The following CHST9 variants were observed in gnomAD, a reference collection of about 807,000 sequenced individuals.
The protein encoded by CHST9 is GalNAc-4-sulfotransferase 2.
In CHST9, 41 loss-of-function variants were observed where a neutral mutation model predicts 44.4. The observed-to-expected ratio is 0.92, with a 90% CI of 0.72 to 1.20. The LOEUF (loss-of-function observed/expected upper bound fraction) is 1.20, where lower values mean the gene tolerates loss of function less well. Among genes scored for constraint, CHST9 ranks in the 50% most tolerant of loss-of-function variants. The pLI, the probability that CHST9 is intolerant of heterozygous loss-of-function variation, is 0.00. For missense variants in CHST9, 504 were observed against 516.5 expected (o/e 0.98, Z 0.23); for synonymous variants, 171 against 178.4 (o/e 0.96, Z 0.33).
intron 2 of CHST9, among the ~76,000 whole-genome samples, chr18:27,115,198 T>C (rs1025042434): frequency 5.3e-5 from 8 of 152,198 alleles, no homozygotes; most frequent in African/African-American, 1.9e-4. Flanking sequence ...TTACCCAGTC[T>C]TGGGTGTTTC....
chr18:26,916,229 A>G lies in CHST9; in HGVS notation c.*30T>C. ...TGATTTGAACTTATCATCATTAAGT[A>G]TATACAGGGTTTTAGAAAATGAATG... is the stretch of plus-strand genomic sequence containing the variant. On this transcript the variant is annotated 3_prime_UTR_variant, in exon 6 of 6. Coordinates refer to ENST00000618847, the MANE Select transcript of CHST9 (RefSeq NM_031422.6). 1 of 1,423,752 alleles carries G rather than the reference A, an allele frequency of 7.0e-7. No homozygotes were observed. The highest frequency in any genetic ancestry group is 1.3e-5 in the South Asian group (1 of 76,736). The allele number at this position is 1,423,752 out of a possible 1,614,324, so 88.2% of individuals were successfully genotyped here.
intron 4 of CHST9, among the ~76,000 whole-genome samples, chr18:26,972,357 C>CAAAAAAAAAAAA (rs887066938): frequency 1.5e-5 from 1 of 65,248 alleles, no homozygotes; most frequent in African/African-American, 5.5e-5. Flanking sequence ...ACTCCAACTC[C>CAAAAAAAAAAAA]AAAAAAAAAA....
intron 4 of CHST9, among the ~76,000 whole-genome samples, chr18:26,986,424 AAG>A (rs1165832120): frequency 1.3e-5 from 2 of 152,166 alleles, no homozygotes; most frequent in Non-Finnish European, 2.9e-5. Flanking sequence ...AAAAAAAGAA[AAG>A]AGAATTAGTG....
intron 1 of CHST9, among the ~76,000 whole-genome samples, chr18:27,146,454 A>C (rs2058613048): frequency 6.6e-6 from 1 of 152,246 alleles, no homozygotes; most frequent in Non-Finnish European, 1.5e-5. Flanking sequence ...GATTGCTTTA[A>C]GCAAACCTGA....
rs1296460912 is a variant in CHST9 at position 27,143,601 on chromosome 18, T to TA, written c.-96-697_-96-696insT. On this transcript the variant is annotated intron_variant, in intron 1 of 5. Coordinates refer to ENST00000618847, the MANE Select transcript of CHST9 (RefSeq NM_031422.6). ...ATATAACCTTAACCTTTTATTTTTT[T>TA]TAAAAAAATTGCATCCTTTTTTGAG... Among the ~76,000 whole-genome samples, 81 of 136,252 alleles carry TA rather than the reference T, an allele frequency of 5.9e-4. 1 individual carries two copies. Among genetic ancestry groups the TA allele is most frequent in the Non-Finnish European group, 8.6e-4 (50 of 57,852 alleles). 89.4% of individuals were successfully genotyped at this position (136,252 alleles called of 152,430 possible).
chr18:27,000,623 T>TCTATCTAC (rs33955279), intron 4 of CHST9, among the ~76,000 whole-genome samples: 1,822 of 10,714 alleles, frequency 0.17, 18 homozygotes, highest in African/African-American at 0.21. Context: ...ATTTGTTTTG[T>TCTATCTAC]CTATCTATCT....
chr18:27,037,725 A>T lies in CHST9; in HGVS notation c.160+10740T>A, dbSNP rs745909822. Among the ~76,000 whole-genome samples the T allele has an allele frequency of 1.4e-3, 214 of 152,282 alleles. 1 individual carries two copies. In the Middle Eastern group the frequency reaches 0.031, roughly 22 times the overall value. On this transcript the variant is annotated intron_variant, in intron 3 of 5. Coordinates refer to ENST00000618847, the MANE Select transcript of CHST9 (RefSeq NM_031422.6). Reference sequence around the variant, plus strand: ...AAAAGCAAAACAAAAGAAAAAAGACAAACAATGCAAGCTGATTGGAGACAC... The same window carrying T: ...AAAAGCAAAACAAAAGAAAAAAGACTAACAATGCAAGCTGATTGGAGACAC...
intron 2 of CHST9, among the ~76,000 whole-genome samples, chr18:27,116,331 A>C (rs1455809729): frequency 6.6e-6 from 1 of 152,112 alleles, no homozygotes; most frequent in Non-Finnish European, 1.5e-5. Context: ...ATTGTTTTGC[A>C]TATGAATATC....
At chr18:27,025,680 G>A (rs1000572693) in intron 3 of CHST9, among the ~76,000 whole-genome samples, 1 of 152,034 alleles carries the variant, frequency 6.6e-6, no homozygotes, top group Non-Finnish European at 1.5e-5. Flanking sequence ...GTAAGTCACA[G>A]GTCCTTCAGT....
intron 2 of CHST9, among the ~76,000 whole-genome samples, chr18:27,088,116 T>C (rs2058030789): frequency 6.6e-6 from 1 of 152,162 alleles, no homozygotes; most frequent in Non-Finnish European, 1.5e-5. Context: ...TTAGAATATG[T>C]AATATCCAGG....
rs2055417126 is a variant in CHST9, at chr18:26,909,871, C to T, written c.*6388G>A. 6.6e-6 allele frequency: 1 copy of T among 152,100 alleles called. No homozygotes were observed. The highest frequency in any genetic ancestry group is 2.4e-5 in the African/African-American group (1 of 41,398). 9.4% of individuals were successfully genotyped at this position (152,100 alleles called of 1,614,324 possible). On this transcript the variant is annotated 3_prime_UTR_variant, in exon 6 of 6. Transcript: ENST00000618847. ...GAGTAGAATGTTACAGGGGGTGCTA[C>T]AATCACCCAGATAATAGCAGGAAGT...
At chr18:27,066,112 A>G (rs1295796182) in intron 2 of CHST9, among the ~76,000 whole-genome samples, 1 of 152,206 alleles carries the variant, frequency 6.6e-6, no homozygotes, top group Non-Finnish European at 1.5e-5. Flanking sequence ...TGGGTACCTC[A>G]TGAAGGGTGG....
At chr18:27,121,067 T>A (rs1598738528) in intron 2 of CHST9, among the ~76,000 whole-genome samples, 1 of 152,198 alleles carries the variant, frequency 6.6e-6, no homozygotes, top group Admixed American at 6.5e-5. Context: ...AGTGGCACAA[T>A]CACGGCTCAC....
At chr18:27,141,237 C>A (rs934838433) in intron 2 of CHST9, among the ~76,000 whole-genome samples, 5 of 151,596 alleles carry the variant, frequency 3.3e-5, no homozygotes, top group Non-Finnish European at 7.4e-5. Flanking sequence ...TGGTGGCGGG[C>A]GCCTGTAGTC....
At chr18:27,154,365 A>G (rs2058682361) in intron 1 of CHST9, among the ~76,000 whole-genome samples, 1 of 152,052 alleles carries the variant, frequency 6.6e-6, no homozygotes, top group Non-Finnish European at 1.5e-5. Context: ...TCAGGGAGAG[A>G]TGAGGTAAGA....
intron 1 of CHST9, among the ~76,000 whole-genome samples, chr18:27,151,626 T>C (rs1370994161): frequency 6.6e-6 from 1 of 152,144 alleles, no homozygotes; most frequent in Non-Finnish European, 1.5e-5. Context: ...TCTTGAAGAA[T>C]GGAAGAGTGA....
intron 3 of CHST9, among the ~76,000 whole-genome samples, chr18:27,039,203 A>G (rs2057419805): frequency 6.6e-6 from 1 of 152,162 alleles, no homozygotes; most frequent in South Asian, 2.1e-4. Context: ...GGGTCTGAAG[A>G]GATATATTTG....
intron 2 of CHST9, among the ~76,000 whole-genome samples, chr18:27,141,666 A>G (rs925321984): frequency 6.6e-6 from 1 of 151,378 alleles, no homozygotes; most frequent in African/African-American, 2.4e-5. Context: ...ACAATTTTAA[A>G]AATAATCATA....
intron 4 of CHST9, among the ~76,000 whole-genome samples, chr18:26,947,109 C>T (rs986771827): frequency 3.9e-5 from 6 of 152,098 alleles, no homozygotes; most frequent in Non-Finnish European, 8.8e-5. Flanking sequence ...TTACTTTGGG[C>T]AGTGTGGCCA....
Sources: gnomAD v4.1 joint callset for allele counts (sites outside exome capture counted in the v4.1 genomes callset) on GRCh38, gnomAD v4.1.1 for gene constraint, MANE v1.5 for transcripts, NCBI Gene and HGNC (gene_info 2026-07-23, HGNC 2026-07-21) for gene names.